The following GRID2 variants were observed in gnomAD, a reference collection of about 807,000 sequenced individuals.
GRID2 encodes glutamate receptor ionotropic, delta-2.
A neutral mutation model predicts 114.8 loss-of-function variants in GRID2; 33 were observed. The ratio of observed to expected loss-of-function variants is 0.29; its 90% CI spans 0.22 to 0.38. The LOEUF is 0.38. Ranked by LOEUF, GRID2 falls within the 10% of genes least tolerant of loss-of-function variation. GRID2 has a pLI of 1.00. For synonymous variants in GRID2, 505 were observed against 449.9 expected (o/e 1.12, Z -1.55); for missense variants, 1,184 against 1,257.7 (o/e 0.94, Z 0.89).
chr4:92,396,724 T>C (rs1352085438), intron 1 of GRID2, among the ~76,000 whole-genome samples: 1 of 152,070 alleles, frequency 6.6e-6, no homozygotes, highest in Non-Finnish European at 1.5e-5. Flanking sequence ...TTTTAATCCC[T>C]TACTCTTTAT....
intron 2 of GRID2, among the ~76,000 whole-genome samples, chr4:92,958,164 A>G (rs912137420): frequency 2.6e-5 from 4 of 152,126 alleles, no homozygotes; most frequent in Admixed American, 1.3e-4. Context: ...TAATTGTGCT[A>G]GGACTTTCAG....
intron 2 of GRID2, among the ~76,000 whole-genome samples, chr4:92,600,021 T>G (rs1436099032): frequency 8.7e-6 from 1 of 114,402 alleles, no homozygotes; most frequent in East Asian, 2.6e-4. Flanking sequence ...CAATACTTCA[T>G]GTATGTGTGT....
At chr4:92,342,057 C>T (rs940048297) in intron 1 of GRID2, among the ~76,000 whole-genome samples, 6 of 151,908 alleles carry the variant, frequency 3.9e-5, no homozygotes, top group African/African-American at 9.7e-5. Context: ...TATTATTGTA[C>T]TACTGCGCTG....
At chr4:93,102,269 C>T (rs1383038415) in intron 3 of GRID2, among the ~76,000 whole-genome samples, 2 of 152,164 alleles carry the variant, frequency 1.3e-5, no homozygotes, top group Non-Finnish European at 2.9e-5. Flanking sequence ...ACCACTTCTT[C>T]TGATTATCCA....
At chr4:92,929,143 A>G (rs969658889) in intron 2 of GRID2, among the ~76,000 whole-genome samples, 11 of 151,394 alleles carry the variant, frequency 7.3e-5, no homozygotes, top group African/African-American at 1.2e-4. Context: ...TAAATCCTCA[A>G]TCTTTAAAGG....
intron 1 of GRID2, among the ~76,000 whole-genome samples, chr4:92,383,374 C>G (rs751556700): frequency 1.3e-5 from 2 of 151,980 alleles, no homozygotes; most frequent in African/African-American, 2.4e-5. Flanking sequence ...CTTTGTAAAT[C>G]TAAACCAAAT....
At chr4:93,152,549 G>T (rs1350878171) in intron 4 of GRID2, among the ~76,000 whole-genome samples, 2 of 152,180 alleles carry the variant, frequency 1.3e-5, no homozygotes, top group East Asian at 3.9e-4. Context: ...GATACATACT[G>T]GTTAGCATGT....
chr4:92,411,446 C>T (rs1731293468), intron 1 of GRID2, among the ~76,000 whole-genome samples: 3 of 151,856 alleles, frequency 2.0e-5, no homozygotes, highest in Non-Finnish European at 4.4e-5. Flanking sequence ...ACTGTATAAA[C>T]TAAATATGTT....
intron 2 of GRID2, among the ~76,000 whole-genome samples, chr4:92,811,743 C>A (rs969973881): frequency 6.6e-5 from 10 of 151,650 alleles, no homozygotes; most frequent in African/African-American, 2.2e-4. Context: ...AAACAGTCGA[C>A]AATTAAAGTA....
intron 13 of GRID2, among the ~76,000 whole-genome samples, chr4:93,570,628 C>T (rs1735850308): frequency 6.6e-6 from 1 of 152,146 alleles, no homozygotes; most frequent in Non-Finnish European, 1.5e-5. Flanking sequence ...ACATTATGTA[C>T]ATTTCAGAAC....
chr4:93,342,315 T>C (rs1327818616), intron 8 of GRID2, among the ~76,000 whole-genome samples: 1 of 152,160 alleles, frequency 6.6e-6, no homozygotes, highest in African/African-American at 2.4e-5. Flanking sequence ...TATGCCAACT[T>C]TTCCTGTCCC....
At chr4:93,651,721 C>T (rs553863071) in intron 14 of GRID2, among the ~76,000 whole-genome samples, 2 of 152,224 alleles carry the variant, frequency 1.3e-5, no homozygotes, top group South Asian at 2.1e-4. Context: ...TTTAAGTTAA[C>T]GTGAACTTGT....
intron 1 of GRID2, among the ~76,000 whole-genome samples, chr4:92,458,345 T>C (rs1194914207): frequency 6.6e-6 from 1 of 152,200 alleles, no homozygotes; most frequent in East Asian, 1.9e-4. Flanking sequence ...TATAAATATT[T>C]AAGTCTGTGA....
chr4:93,167,305 A>G (rs1454682534), intron 4 of GRID2, among the ~76,000 whole-genome samples: 1 of 152,128 alleles, frequency 6.6e-6, no homozygotes, highest in Non-Finnish European at 1.5e-5. Context: ...TTATATTGAT[A>G]CAGATCTGTC....
intron 2 of GRID2, among the ~76,000 whole-genome samples, chr4:93,078,209 G>T (rs542153036): frequency 6.6e-6 from 1 of 151,922 alleles, no homozygotes; most frequent in East Asian, 1.9e-4. Flanking sequence ...ACTCTTTTTC[G>T]TCAAGGTAAC....
At chr4:93,361,566 A>G (rs968391844) in intron 8 of GRID2, among the ~76,000 whole-genome samples, 3 of 151,586 alleles carry the variant, frequency 2.0e-5, no homozygotes, top group East Asian at 1.9e-4. Context: ...CTGGTCATGC[A>G]TGTTGTCCAC....
chr4:93,419,336 T>C (rs1030221311), intron 9 of GRID2, among the ~76,000 whole-genome samples: 5 of 152,002 alleles, frequency 3.3e-5, no homozygotes, highest in Non-Finnish European at 7.4e-5. Flanking sequence ...AATGACTGAA[T>C]AAATTTTAGA....
At chr4:93,037,231 T>G (rs2149264172) in intron 2 of GRID2, among the ~76,000 whole-genome samples, 1 of 152,274 alleles carries the variant, frequency 6.6e-6, no homozygotes, top group African/African-American at 2.4e-5. Flanking sequence ...ATTCCAAAAT[T>G]GTTTTAAAAA....
At chr4:92,620,150 T>C (rs1042256573) in intron 2 of GRID2, among the ~76,000 whole-genome samples, 1 of 151,748 alleles carries the variant, frequency 6.6e-6, no homozygotes, top group African/African-American at 2.4e-5. Context: ...AATGAGCTAG[T>C]AAAAGATTTT....
Sources: gnomAD v4.1 joint callset for allele counts (sites outside exome capture counted in the v4.1 genomes callset) on GRCh38, gnomAD v4.1.1 for gene constraint, MANE v1.5 for transcripts, NCBI Gene and HGNC (gene_info 2026-07-23, HGNC 2026-07-21) for gene names.